ZBBX: variants seen among roughly 807,000 people sequenced by gnomAD.
The protein encoded by ZBBX is zinc finger B-box domain containing.
Under a neutral mutation model 108.5 loss-of-function variants are expected in ZBBX, and 101 were observed. That is an observed-to-expected ratio of 0.93 (90% CI 0.79 to 1.10). The LOEUF (loss-of-function observed/expected upper bound fraction) is 1.10. ZBBX is among the 50% of genes least tolerant of loss of function. ZBBX has a pLI of 0.00. For synonymous variants in ZBBX, 356 were observed against 323.4 expected (o/e 1.10, Z -1.08); for missense variants, 1,009 against 941.4 (o/e 1.07, Z -0.94).
At chr3:167,353,126 A>C (rs543944925) in intron 8 of ZBBX, among the ~76,000 whole-genome samples, 55 of 152,174 alleles carry the variant, frequency 3.6e-4, no homozygotes, top group Non-Finnish European at 5.1e-4. Context: ...TAGCCAGAAC[A>C]ATCAGGCAAA....
intron 9 of ZBBX, among the ~76,000 whole-genome samples, chr3:167,336,627 A>T (rs1404484712): frequency 6.6e-6 from 1 of 152,176 alleles, no homozygotes; most frequent in Admixed American, 6.5e-5. Context: ...TTCTAGCTTA[A>T]TTAACCTTTT....
chr3:167,294,234 C>G (rs1325487078), intron 18 of ZBBX, among the ~76,000 whole-genome samples: 1 of 152,108 alleles, frequency 6.6e-6, no homozygotes, highest in Admixed American at 6.6e-5. Context: ...GCCCGCATGG[C>G]CAAGACAACC....
chr3:167,376,671 T>G (rs1431418262), intron 2 of ZBBX, among the ~76,000 whole-genome samples: 1 of 152,224 alleles, frequency 6.6e-6, no homozygotes, highest in African/African-American at 2.4e-5. Context: ...TTTATAGCTC[T>G]GCTGATAATG....
At chr3:167,378,425 C>T (rs1273671283) in intron 2 of ZBBX, among the ~76,000 whole-genome samples, 2 of 152,116 alleles carry the variant, frequency 1.3e-5, no homozygotes, top group Non-Finnish European at 2.9e-5. Context: ...AATTTAAGGT[C>T]AGAAAACCTA....
At chr3:167,359,838 G>A in intron 8 of ZBBX, 32 bp downstream of exon 8, 3 of 1,113,668 alleles carry the variant, frequency 2.7e-6, no homozygotes, top group Non-Finnish European at 3.8e-6. Flanking sequence ...CTACTATACA[G>A]TATATGTATA....
chr3:167,282,905 AG>A (rs1363121301), intron 19 of ZBBX, among the ~76,000 whole-genome samples: 1 of 152,216 alleles, frequency 6.6e-6, no homozygotes, highest in African/African-American at 2.4e-5. Context: ...AAAAAACCTT[AG>A]AAAAAGCATC....
At chr3:167,373,095 AC>A in intron 3 of ZBBX, 145 bp from the exon 4 acceptor site, 2 of 491,264 alleles carry the variant, frequency 4.1e-6, no homozygotes, top group Non-Finnish European at 7.2e-6. Flanking sequence ...AAAATTATAC[AC>A]TGTTAGCCCT....
upstream of ZBBX, among the ~76,000 whole-genome samples, chr3:167,383,438 CAA>C (rs1395728624): frequency 2.6e-5 from 4 of 151,888 alleles, no homozygotes; most frequent in African/African-American, 9.7e-5. Flanking sequence ...AAATCCTTAG[CAA>C]AAACCAAATT....
At chr3:167,388,584 G>A (rs77140661) in intron 1 of ZBBX, among the ~76,000 whole-genome samples, 300 of 152,078 alleles carry the variant, frequency 2.0e-3, no homozygotes, top group African/African-American at 7.1e-3. Context: ...ACTATGACAC[G>A]ATCCGACATA....
At chr3:167,309,299 T>C (rs1734189723) in intron 16 of ZBBX, among the ~76,000 whole-genome samples, 1 of 152,178 alleles carries the variant, frequency 6.6e-6, no homozygotes, top group Non-Finnish European at 1.5e-5. Context: ...TCTACCATTC[T>C]GTGGTCTGGA....
the ZBBX span, among the ~76,000 whole-genome samples, chr3:167,200,891 G>A: frequency 3.9e-4 from 60 of 152,232 alleles, no homozygotes; most frequent in Middle Eastern, 3.4e-3. Flanking sequence ...CAGATTTCAT[G>A]GAGAGGTAGC....
chr3:167,261,881 G>A (rs181378733), intron 20 of ZBBX, among the ~76,000 whole-genome samples: 3 of 151,580 alleles, frequency 2.0e-5, no homozygotes, highest in Admixed American at 2.0e-4. Flanking sequence ...CTGGACAGAA[G>A]GCTTCCCACC....
At chr3:167,211,533 C>T in the ZBBX span, among the ~76,000 whole-genome samples, 1 of 152,168 alleles carries the variant, frequency 6.6e-6, no homozygotes, top group Admixed American at 6.5e-5. Context: ...GCTTGGAATT[C>T]CAGCCAGCTA....
intron 17 of ZBBX, among the ~76,000 whole-genome samples, chr3:167,298,882 T>C (rs1299668561): frequency 1.3e-5 from 2 of 151,684 alleles, no homozygotes; most frequent in African/African-American, 4.8e-5. Context: ...GCCCTGACAA[T>C]GGTCATGGAA....
At position 167,240,100 on chromosome 3, in the gene ZBBX, G is replaced by C. The variant is rs912585857; in HGVS notation, c.*693C>G. 1.3e-5 allele frequency among the ~76,000 whole-genome samples: 2 copies of C among 152,062 alleles called. No individual in the cohort carries two copies. The highest frequency in any genetic ancestry group is 2.9e-5 in the Non-Finnish European group (2 of 68,012). ...CACCAGGTCCCTCCCAGGACACCTG[G>C]AGATTATAGAAACTACAATTCAAGA... On this transcript the variant is annotated 3_prime_UTR_variant, in exon 22 of 22. Transcript: ENST00000675490.
intron 20 of ZBBX, among the ~76,000 whole-genome samples, chr3:167,252,997 C>T (rs114721742): frequency 0.014 from 2,125 of 152,224 alleles, 26 homozygotes; most frequent in South Asian, 0.026. Context: ...TGTAATGTAA[C>T]AATTATCTCT....
chr3:167,236,436 C>A (rs981097365), downstream of ZBBX, among the ~76,000 whole-genome samples: 2 of 151,732 alleles, frequency 1.3e-5, no homozygotes, highest in African/African-American at 4.8e-5. Context: ...AAAGCACTTT[C>A]CAGTTGCAAA....
the ZBBX span, among the ~76,000 whole-genome samples, chr3:167,179,974 T>C: frequency 1.3e-5 from 2 of 152,206 alleles, no homozygotes; most frequent in Non-Finnish European, 2.9e-5. Flanking sequence ...TTTTCCAGGA[T>C]CACATCCATG....
chr3:167,182,965 C>G, the ZBBX span, among the ~76,000 whole-genome samples: 1 of 152,286 alleles, frequency 6.6e-6, no homozygotes, highest in East Asian at 1.9e-4. Context: ...TTGCTGAATT[C>G]CTGCCCGAAT....
Sources: allele counts gnomAD v4.1 joint callset (sites outside exome capture counted in the v4.1 genomes callset), GRCh38; gene constraint gnomAD v4.1.1; transcripts MANE v1.5; gene names NCBI Gene and HGNC (gene_info 2026-07-23, HGNC 2026-07-21).